The following HGF variants were observed in gnomAD, a reference collection of about 807,000 sequenced individuals.
HGF encodes fibroblast-derived tumor cytotoxic factor.
Under a neutral mutation model 111.6 loss-of-function variants are expected in HGF, and 39 were observed. That is an observed-to-expected ratio of 0.35 (90% CI 0.27 to 0.46). The LOEUF is 0.46. HGF is among the 20% of genes least tolerant of loss of function. HGF has a pLI of 1.00. For missense variants in HGF, 735 were observed against 910.5 expected (o/e 0.81, Z 2.48); for synonymous variants, 285 against 294.8 (o/e 0.97, Z 0.34).
chr7:81,757,423 A>C, intron 3 of HGF, 120 bp from the exon 4 acceptor site: 1 of 667,622 alleles, frequency 1.5e-6, no homozygotes, highest in Non-Finnish European at 2.7e-6. Flanking sequence ...AATAACATTG[A>C]AATTTCTTGC....
At chr7:81,749,434 A>G (rs1788402363) in intron 5 of HGF, among the ~76,000 whole-genome samples, 1 of 152,142 alleles carries the variant, frequency 6.6e-6, no homozygotes, top group Non-Finnish European at 1.5e-5. Context: ...TTCTCTGTAT[A>G]ACTCTATAAG....
At chr7:81,708,565 C>T (rs868158280) in intron 13 of HGF, among the ~76,000 whole-genome samples, 2 of 99,244 alleles carry the variant, frequency 2.0e-5, no homozygotes, top group Non-Finnish European at 3.6e-5. Flanking sequence ...GACAGAGTCT[C>T]GCTCAGTAGC....
At chr7:81,744,343 G>C (rs1049892000) in intron 6 of HGF, among the ~76,000 whole-genome samples, 1 of 149,028 alleles carries the variant, frequency 6.7e-6, no homozygotes, top group Non-Finnish European at 1.5e-5. Context: ...AATAATTTAA[G>C]CTCAAAACCT....
chr7:81,758,484 A>G (rs1788893050), intron 3 of HGF, among the ~76,000 whole-genome samples: 1 of 152,062 alleles, frequency 6.6e-6, no homozygotes, highest in Non-Finnish European at 1.5e-5. Flanking sequence ...CAAGATTATG[A>G]AAAGTTTTGA....
At chr7:81,734,629 T>C (rs1042837185) in intron 7 of HGF, among the ~76,000 whole-genome samples, 2 of 152,008 alleles carry the variant, frequency 1.3e-5, no homozygotes, top group Non-Finnish European at 2.9e-5. Flanking sequence ...AGATCACTAA[T>C]TAGAAAAAAA....
At chr7:81,758,391 T>C (rs998130915) in intron 3 of HGF, among the ~76,000 whole-genome samples, 2 of 151,862 alleles carry the variant, frequency 1.3e-5, no homozygotes, top group Admixed American at 1.3e-4. Context: ...AGTAGCACTT[T>C]CTAAAATGAA....
chr7:81,758,965 AT>A (rs1355445026), intron 2 of HGF, among the ~76,000 whole-genome samples, 161 bp from the exon 3 acceptor site: 1 of 152,162 alleles, frequency 6.6e-6, no homozygotes, highest in African/African-American at 2.4e-5. Context: ...TGAACCTACC[AT>A]TTTGATAGCC....
In HGF at chr7:81,762,730, A is replaced by T; in HGVS notation, c.231T>A (p.Asn77Lys). 2 of 1,613,004 alleles carry T rather than the reference A, an allele frequency of 1.2e-6. No individual in the cohort carries two copies. The highest frequency in any genetic ancestry group is 1.7e-6 in the Non-Finnish European group (2 of 1,179,122). The part of the protein sequence containing the change: ...ADQCANRCTR[N>K]KGLPFTCKAF... The stretch of plus-strand genomic sequence containing the variant: ...ACTTGCAAGTGAATGGAAGTCCTTT[A>T]TTCCTAGTACATCTATTAGCACATT... Residue 77 changes from asparagine to lysine, a missense_variant, in exon 2 of 18, where the codon AAT becomes AAA. Around this residue, in one of 3 missense-constraint regions of HGF, gnomAD observed 553 missense variants for 685.6 expected, o/e 0.81. Coordinates refer to ENST00000222390, the MANE Select transcript of HGF (RefSeq NM_000601.6).
At chr7:81,768,137 G>A (rs975974709) in intron 1 of HGF, among the ~76,000 whole-genome samples, 3 of 152,164 alleles carry the variant, frequency 2.0e-5, no homozygotes, top group African/African-American at 7.2e-5. Flanking sequence ...AATTACAAAT[G>A]TATGTCTCCT....
At chr7:81,727,210 GT>G (rs5885247) in intron 8 of HGF, among the ~76,000 whole-genome samples, 119,598 of 143,024 alleles carry the variant, frequency 0.84, 50,101 homozygotes, top group African/African-American at 0.92. Context: ...CCGGCTAATT[GT>G]TTTTTTTTTT....
intron 9 of HGF, among the ~76,000 whole-genome samples, chr7:81,722,007 A>C (rs1203518144): frequency 6.6e-6 from 1 of 152,056 alleles, no homozygotes; most frequent in African/African-American, 2.4e-5. Flanking sequence ...TCTGTAAATA[A>C]AAATTTTTCC....
intron 6 of HGF, among the ~76,000 whole-genome samples, chr7:81,744,587 C>G (rs145523986): frequency 6.6e-6 from 1 of 152,310 alleles, no homozygotes; most frequent in East Asian, 1.9e-4. Context: ...CCTCTAATCA[C>G]AGCTAAGACT....
At chr7:81,730,309 A>G (rs766162678) in intron 7 of HGF, among the ~76,000 whole-genome samples, 3 of 151,970 alleles carry the variant, frequency 2.0e-5, no homozygotes, top group Non-Finnish European at 4.4e-5. Flanking sequence ...AAAATTAGCC[A>G]GGAGTGGTGG....
chr7:81,762,858 T>C lies in HGF; in HGVS notation c.103A>G (p.Arg35Gly). The C allele has an allele frequency of 1.3e-6, 2 of 1,546,898 alleles. No individual in the cohort carries two copies. The highest frequency in any genetic ancestry group is 1.8e-6 in the Non-Finnish European group (2 of 1,119,646). The change falls in exon 2 of 18, where the codon AGA (arginine) becomes GGA (glycine). Residue 35 changes from arginine (R) to glycine (G), a missense_variant. By Grantham distance (125) the Arg-to-Gly change is moderately radical. This residue lies in a region of HGF where 553 missense variants were observed against 685.6 expected (regional missense o/e 0.81). Coordinates refer to ENST00000222390, the MANE Select transcript of HGF (RefSeq NM_000601.6). ...AIPYAEGQRK[R>G]RNTIHEFKKS... ...TTGAATTCATGAATTGTATTTCTTC[T>C]TTTCCTTTGTCCCTCTATTAAATAC...
intron 9 of HGF, among the ~76,000 whole-genome samples, chr7:81,722,339 AT>A (rs1789885710): frequency 6.6e-6 from 1 of 150,942 alleles, no homozygotes; most frequent in African/African-American, 2.4e-5. Context: ...AATTTTTTAT[AT>A]TTTTAGTAGA....
intron 6 of HGF, among the ~76,000 whole-genome samples, 198 bp from the exon 7 acceptor site, chr7:81,743,669 T>C (rs1788100741): frequency 6.6e-6 from 1 of 152,098 alleles, no homozygotes; most frequent in Admixed American, 6.6e-5. Context: ...AAGGACAGAG[T>C]ATCATCCCCT....
At chr7:81,758,566 G>A (rs746674963) in intron 3 of HGF, 126 bp downstream of exon 3, 1 of 666,098 alleles carries the variant, frequency 1.5e-6, no homozygotes. Flanking sequence ...TGGATGAATT[G>A]ACTACATAAA....
intron 7 of HGF, among the ~76,000 whole-genome samples, chr7:81,732,463 AC>A (rs2115945893): frequency 6.6e-6 from 1 of 152,272 alleles, no homozygotes; most frequent in African/African-American, 2.4e-5. Context: ...AAGATTAAAT[AC>A]CAACTATCAT....
chr7:81,752,431 C>A (rs1273043328), intron 4 of HGF, among the ~76,000 whole-genome samples, 169 bp from the exon 5 acceptor site: 1 of 151,872 alleles, frequency 6.6e-6, no homozygotes, highest in Non-Finnish European at 1.5e-5. Context: ...GTCCTTAAAA[C>A]GTTTGAATTT....
Sources: allele counts gnomAD v4.1 joint callset (sites outside exome capture counted in the v4.1 genomes callset), GRCh38; gene constraint gnomAD v4.1.1; regional missense constraint gnomAD v4.1.1; transcripts MANE v1.5; gene names NCBI Gene and HGNC (gene_info 2026-07-23, HGNC 2026-07-21).